The following KCNQ3 variants were observed in gnomAD, a reference collection of about 807,000 sequenced individuals.
KCNQ3 encodes potassium voltage-gated channel subfamily Q member 3, also known as potassium voltage-gated channel subfamily KQT member 3.
In KCNQ3, 30 loss-of-function variants were observed where a neutral mutation model predicts 92.5. That is an observed-to-expected ratio of 0.32 (90% CI 0.24 to 0.44). The LOEUF is 0.44. KCNQ3 is among the 20% of genes least tolerant of loss of function. The probability of loss-of-function intolerance (pLI) is 1.00; values close to 1 mark genes in which losing one functional copy is unlikely to be tolerated. For missense variants in KCNQ3, 913 were observed against 1,140.3 expected (o/e 0.80, Z 2.87); for synonymous variants, 450 against 468.8 (o/e 0.96, Z 0.52).
rs199682667 is a variant in KCNQ3 at position 132,129,267 on chromosome 8, T to C, written c.2614A>G (p.Ile872Val). ...DSVWTPSNKP[I>V] ...GGGTCAGCCAGTGACCTCTTTTAAA[T>C]GGGCTTATTGGAAGGGGTCCATACT... Residue 872 changes from isoleucine (I) to valine (V), a missense_variant, in exon 15 of 15, where the codon ATT (isoleucine) becomes GTT (valine). Physicochemically the swap from Ile to Val is conservative, Grantham distance 29. Transcript: ENST00000388996. This position sits in a 1 kb window ranked among gnomAD's most constrained non-coding sequence, Gnocchi z 5.9. 9.3e-5 allele frequency: 150 copies of C among 1,611,232 alleles called. No individual in the cohort carries two copies. The highest frequency in any genetic ancestry group is 1.6e-4 in the Middle Eastern group (1 of 6,068).
intron 1 of KCNQ3, among the ~76,000 whole-genome samples, chr8:132,276,874 C>G (rs1279941473): frequency 1.3e-5 from 2 of 152,116 alleles, no homozygotes; most frequent in African/African-American, 2.4e-5. Context: ...AATAATAACA[C>G]CTATTTCAGA....
intron 1 of KCNQ3, among the ~76,000 whole-genome samples, chr8:132,367,739 G>A (rs1349330674): frequency 2.0e-5 from 3 of 152,192 alleles, no homozygotes; most frequent in Non-Finnish European, 4.4e-5. Context: ...GGGTCAGCTT[G>A]TACTTTCTGC....
chr8:132,250,182 C>T (rs186491955), intron 1 of KCNQ3, among the ~76,000 whole-genome samples: 64 of 152,264 alleles, frequency 4.2e-4, no homozygotes, highest in Middle Eastern at 6.8e-3. Context: ...TGAGCGCGAG[C>T]GAGGGTCACC....
At chr8:132,171,523 C>A (rs1352714023) in intron 7 of KCNQ3, among the ~76,000 whole-genome samples, 1 of 152,218 alleles carries the variant, frequency 6.6e-6, no homozygotes, top group Non-Finnish European at 1.5e-5. Flanking sequence ...CTGCTCCCTG[C>A]AACCCCCAGC....
intron 9 of KCNQ3, among the ~76,000 whole-genome samples, chr8:132,145,676 C>T (rs1825428518): frequency 6.6e-6 from 1 of 152,138 alleles, no homozygotes; most frequent in Non-Finnish European, 1.5e-5. Flanking sequence ...GTCAAGAAGA[C>T]ATATAATAAG....
intron 1 of KCNQ3, among the ~76,000 whole-genome samples, chr8:132,256,515 C>T (rs1324409434): frequency 6.6e-6 from 1 of 152,024 alleles, no homozygotes; most frequent in East Asian, 1.9e-4. Context: ...TTAACTAAAT[C>T]CAAGTAGATA....
intron 1 of KCNQ3, among the ~76,000 whole-genome samples, chr8:132,460,013 C>T (rs1291957095): frequency 2.0e-5 from 3 of 152,064 alleles, no homozygotes; most frequent in African/African-American, 7.2e-5. Context: ...GGTGCTCTTT[C>T]AGTTGGCTTA....
chr8:132,342,156 T>C (rs1818549588), intron 1 of KCNQ3, among the ~76,000 whole-genome samples: 1 of 152,032 alleles, frequency 6.6e-6, no homozygotes, highest in African/African-American at 2.4e-5. Context: ...TCTCTTACCA[T>C]CTCTCTAACA....
At chr8:132,276,989 A>G (rs957591971) in intron 1 of KCNQ3, among the ~76,000 whole-genome samples, 2 of 152,212 alleles carry the variant, frequency 1.3e-5, no homozygotes, top group African/African-American at 4.8e-5. Flanking sequence ...TGAGCCCACC[A>G]CATCAAAGTG....
intron 3 of KCNQ3, among the ~76,000 whole-genome samples, chr8:132,182,189 T>A (rs1826804938): frequency 6.6e-6 from 1 of 152,226 alleles, no homozygotes; most frequent in Non-Finnish European, 1.5e-5. Flanking sequence ...TCTGCATCAT[T>A]TGCCAGGCTT....
intron 1 of KCNQ3, among the ~76,000 whole-genome samples, chr8:132,229,054 T>C (rs1226395625): frequency 2.0e-5 from 3 of 152,040 alleles, no homozygotes; most frequent in Admixed American, 6.6e-5. Context: ...AAGAGATTGA[T>C]ACCATCCTGG....
intron 1 of KCNQ3, among the ~76,000 whole-genome samples, chr8:132,205,708 G>C (rs185095455): frequency 6.6e-6 from 1 of 152,200 alleles, no homozygotes; most frequent in Admixed American, 6.5e-5. Flanking sequence ...CACTATGTGA[G>C]ACTATAGTAG....
In KCNQ3 at chr8:132,175,416, C is replaced by A; in HGVS notation, c.933+37G>T. On this transcript the variant is annotated intron_variant, in intron 5 of 14. Transcript: ENST00000388996. Reference sequence around the variant, plus strand: ...CCACCTCTCTCTGACTCTTGACAGTCAATCTCACAGAATTGGCCTCCAAGG... The same window carrying A: ...CCACCTCTCTCTGACTCTTGACAGTAAATCTCACAGAATTGGCCTCCAAGG... 3.1e-6 allele frequency: 5 copies of A among 1,611,644 alleles called. No individual in the cohort carries two copies. In the South Asian group the frequency reaches 3.3e-5, roughly 11 times the overall value.
intron 1 of KCNQ3, among the ~76,000 whole-genome samples, chr8:132,318,879 C>A (rs1259353081): frequency 1.3e-5 from 2 of 152,172 alleles, no homozygotes; most frequent in African/African-American, 2.4e-5. Context: ...GATCCCATGA[C>A]CTTGGAGAAG....
intron 1 of KCNQ3, among the ~76,000 whole-genome samples, chr8:132,286,204 T>C (rs1304459292): frequency 6.6e-6 from 1 of 152,156 alleles, no homozygotes; most frequent in East Asian, 1.9e-4. Context: ...CAGCCTGCAA[T>C]GCCTGCCTAA....
chr8:132,258,655 A>G (rs1274396322), intron 1 of KCNQ3, among the ~76,000 whole-genome samples: 1 of 152,128 alleles, frequency 6.6e-6, no homozygotes, highest in Non-Finnish European at 1.5e-5. Flanking sequence ...AATAATGACT[A>G]CAGCAGAAAT....
rs535978448 is a variant in KCNQ3, at chr8:132,134,672, G to C, written c.1701-284C>G. ...ATTCTTCCGCTTGTTTTGATCTGGT[G>C]ATACTGAAAGCATCTTTCTATCCCA... On this transcript the variant is annotated intron_variant, in intron 12 of 14. Transcript: ENST00000388996. Among the ~76,000 whole-genome samples the C allele has an allele frequency of 1.1e-4, 17 of 151,948 alleles. No homozygotes were observed. In the East Asian group the frequency reaches 3.1e-3, roughly 28 times the overall value.
chr8:132,205,768 G>GAGAT (rs755658938), intron 1 of KCNQ3, among the ~76,000 whole-genome samples: 109 of 152,188 alleles, frequency 7.2e-4, no homozygotes, highest in Non-Finnish European at 1.3e-3. Flanking sequence ...CTTGTAGGTG[G>GAGAT]AGATATTCAA....
chr8:132,380,931 G>GAAAAA (rs553931640), intron 1 of KCNQ3, among the ~76,000 whole-genome samples: 20 of 87,464 alleles, frequency 2.3e-4, no homozygotes, highest in Non-Finnish European at 2.5e-4. Flanking sequence ...AATGAAAGCA[G>GAAAAA]AAAAAAAAAA....
Sources: allele counts gnomAD v4.1 joint callset (sites outside exome capture counted in the v4.1 genomes callset), GRCh38; gene constraint gnomAD v4.1.1; non-coding constraint Gnocchi (gnomAD v3.1); transcripts MANE v1.5; gene names NCBI Gene and HGNC (gene_info 2026-07-23, HGNC 2026-07-21).